The following TAX1BP3 variants were observed in gnomAD, a reference collection of about 807,000 sequenced individuals.
TAX1BP3 encodes the protein tax1-binding protein 3.
In TAX1BP3, 13 loss-of-function variants were observed where a neutral mutation model predicts 15.3. The ratio of observed to expected loss-of-function variants is 0.85; its 90% CI spans 0.55 to 1.35. The LOEUF is 1.35. TAX1BP3 is among the 40% of genes most tolerant of loss of function. TAX1BP3 has a pLI of 0.00. For missense variants in TAX1BP3, 147 were observed against 169.6 expected, an observed-to-expected ratio of 0.87 and a Z score of 0.74; for synonymous variants, 70 against 66.0, an observed-to-expected ratio of 1.06 and a Z score of -0.30.
At chr17:3,665,758 A>AG in intron 1 of TAX1BP3, 1 of 615,206 alleles carries the variant, frequency 1.6e-6, no homozygotes. Context: ...AAAAAAAAAA[A>AG]AAAAAAAGAA....
chr17:3,667,821 G>A (rs987901788), intron 1 of TAX1BP3, among the ~76,000 whole-genome samples: 1 of 152,238 alleles, frequency 6.6e-6, no homozygotes. Flanking sequence ...AAACAAGCCA[G>A]AGGGCGGCCA....
chr17:3,667,650 G>A (rs2142992286), intron 1 of TAX1BP3, among the ~76,000 whole-genome samples: 1 of 152,324 alleles, frequency 6.6e-6, no homozygotes, highest in East Asian at 1.9e-4. Flanking sequence ...GTAGGCAGGA[G>A]ACCTGAGTCT....
intron 2 of TAX1BP3, 126 bp from the exon 3 acceptor site, chr17:3,664,398 A>C: frequency 2.6e-6 from 3 of 1,162,114 alleles, no homozygotes; most frequent in South Asian, 1.3e-5. Context: ...CCCAGCACAT[A>C]TGGTCAGTGA....
intron 1 of TAX1BP3, chr17:3,665,586 G>C: frequency 7.3e-7 from 1 of 1,363,192 alleles, no homozygotes; most frequent in South Asian, 1.2e-5. Context: ...CAAAGAGAAA[G>C]GTACCTGGGT....
At position 3,663,686 on chromosome 17, in the gene TAX1BP3, G is replaced by A. The variant is rs926377097; in HGVS notation, c.*62C>T. On this transcript the variant is annotated 3_prime_UTR_variant, in exon 4 of 4. Transcript: ENST00000225525. ...TCAGCAGAAGCCAGATGGGGACAGA[G>A]TGTGGAAGTGGCGTTACTGTACAGA... is the stretch of plus-strand genomic sequence containing the variant. 1.2e-5 allele frequency: 19 copies of A among 1,554,878 alleles called. No homozygotes were observed. The highest frequency in any genetic ancestry group is 2.3e-5 in the East Asian group (1 of 43,922).
chr17:3,663,867 T>C lies in TAX1BP3; in HGVS notation c.256A>G (p.Thr86Ala), dbSNP rs1176507698. ...KIMQVNGWDMTMVTHDQARKR... is the reference protein window; with the variant it reads ...KIMQVNGWDMAMVTHDQARKR... ...CGGGCCTGGTCGTGTGTGACCATGGTCATGTCCCAGCCGTTCACCTGGCCC... is the reference window on the plus strand; with the variant it reads ...CGGGCCTGGTCGTGTGTGACCATGGCCATGTCCCAGCCGTTCACCTGGCCC... Residue 86 changes from threonine to alanine, a missense_variant, in exon 4 of 4, where the codon ACC (threonine) becomes GCC (alanine). Physicochemically the swap from Thr to Ala is moderately conservative, Grantham distance 58 (BLOSUM62 0). Coordinates refer to ENST00000225525, the MANE Select transcript of TAX1BP3 (RefSeq NM_014604.4). 6.2e-7 allele frequency: 1 copy of C among 1,608,794 alleles called. No individual in the cohort carries two copies. Among genetic ancestry groups the C allele is most frequent in the Admixed American group, 1.7e-5 (1 of 59,996 alleles).
chr17:3,668,492 A>C lies in TAX1BP3; in HGVS notation c.35T>G (p.Val12Gly). The change falls in exon 1 of 4, where the codon GTG becomes GGG. Residue 12 changes from valine (V) to glycine (G), a missense_variant. Val to Gly is a moderately radical substitution (Grantham distance 109). Transcript: ENST00000225525. This position sits in a 1 kb window ranked among gnomAD's most constrained non-coding sequence, Gnocchi z 4.1. ...SYIPGQPVTA[V>G]VQRVEIHKLR... ...AGCCCGCGCAAGCGCACTCACCACC[A>C]CGGCGGTGACCGGCTGGCCCGGGAT... is the stretch of plus-strand genomic sequence containing the variant. 6.2e-7 allele frequency: 1 copy of C among 1,609,784 alleles called. No homozygotes were observed. The highest frequency in any genetic ancestry group is 8.5e-7 in the Non-Finnish European group (1 of 1,178,726).
rs539007064 is a variant in TAX1BP3, at chr17:3,663,685, A to C, written c.*63T>G. The C allele has an allele frequency of 3.9e-6, 6 of 1,550,082 alleles. No homozygotes were observed. In the Admixed American group the frequency reaches 1.1e-4, roughly 27 times the overall value. On this transcript the variant is annotated 3_prime_UTR_variant, in exon 4 of 4. Transcript: ENST00000225525. ...GTCAGCAGAAGCCAGATGGGGACAGAGTGTGGAAGTGGCGTTACTGTACAG... is the reference window on the plus strand; with the variant it reads ...GTCAGCAGAAGCCAGATGGGGACAGCGTGTGGAAGTGGCGTTACTGTACAG...
chr17:3,665,620 C>T, intron 1 of TAX1BP3: 1 of 1,208,522 alleles, frequency 8.3e-7, no homozygotes, highest in Non-Finnish European at 1.2e-6. Flanking sequence ...CAGCCTGCTC[C>T]ACCCAGGGAA....
intron 1 of TAX1BP3, chr17:3,665,622 C>T: frequency 8.3e-7 from 1 of 1,199,142 alleles, no homozygotes; most frequent in Non-Finnish European, 1.2e-6. Context: ...GCCTGCTCCA[C>T]CCAGGGAAGC....
In TAX1BP3 at chr17:3,664,691, G is replaced by A; in HGVS notation, c.147C>T (p.Asp49=). Residue 49 remains aspartate (D), a synonymous_variant, in exon 2 of 4, where the codon GAC becomes GAT. Coordinates refer to ENST00000225525, the MANE Select transcript of TAX1BP3 (RefSeq NM_014604.4). ...CAGACCCCCTCACCTTGTCCGTCTT[G>A]TCTTCAGAGAAGGGATTCTGGGAAG... ...QDPSQNPFSE[D]KTDKGIYVTR... 1 of 1,613,840 alleles carries A rather than the reference G, an allele frequency of 6.2e-7. No individual in the cohort carries two copies. Among genetic ancestry groups the A allele is most frequent in the South Asian group, 1.1e-5 (1 of 91,072 alleles).
At position 3,663,844 on chromosome 17, in the gene TAX1BP3, G is replaced by T; in HGVS notation, c.279C>A (p.Ala93=). ...CCGAGCGCTTGGTGAGCCGCTTGCG[G>T]GCCTGGTCGTGTGTGACCATGGTCA... The part of the protein sequence containing the change: ...WDMTMVTHDQ[A]RKRLTKRSEE... Residue 93 remains alanine, a synonymous_variant, in exon 4 of 4, where the codon GCC becomes GCA. Transcript: ENST00000225525. The T allele has an allele frequency of 1.2e-6, 2 of 1,609,622 alleles. No individual in the cohort carries two copies. The highest frequency in any genetic ancestry group is 1.7e-6 in the Non-Finnish European group (2 of 1,179,954).
intron 2 of TAX1BP3, 72 bp from the exon 3 acceptor site, chr17:3,664,344 A>C: frequency 6.4e-7 from 1 of 1,562,532 alleles, no homozygotes; most frequent in Non-Finnish European, 8.8e-7. Flanking sequence ...GGAAGCCAGC[A>C]TGGCACATTC....
chr17:3,663,690 G>A lies in TAX1BP3; in HGVS notation c.*58C>T. ...CAGAAGCCAGATGGGGACAGAGTGTGGAAGTGGCGTTACTGTACAGAGAGG... is the reference window on the plus strand; with the variant it reads ...CAGAAGCCAGATGGGGACAGAGTGTAGAAGTGGCGTTACTGTACAGAGAGG... On this transcript the variant is annotated 3_prime_UTR_variant, in exon 4 of 4. Coordinates refer to ENST00000225525, the MANE Select transcript of TAX1BP3 (RefSeq NM_014604.4). The A allele has an allele frequency of 4.5e-6, 7 of 1,559,156 alleles. No individual in the cohort carries two copies. The highest frequency in any genetic ancestry group is 5.2e-6 in the Non-Finnish European group (6 of 1,153,554).
intron 1 of TAX1BP3, among the ~76,000 whole-genome samples, chr17:3,667,570 C>T (rs1445703228): frequency 6.6e-6 from 1 of 152,202 alleles, no homozygotes; most frequent in African/African-American, 2.4e-5. Flanking sequence ...GGCTCCAGGG[C>T]GGGGACTTTC....
In TAX1BP3 at chr17:3,663,558, A is replaced by C; in HGVS notation, c.*190T>G. ...TTCCAATCCTCGGTGTCCAGGAGAG[A>C]AAGCCGGTCCCAGAGGCCCCAGGCC... On this transcript the variant is annotated 3_prime_UTR_variant, in exon 4 of 4. Coordinates refer to ENST00000225525, the MANE Select transcript of TAX1BP3 (RefSeq NM_014604.4). The C allele has an allele frequency of 1.3e-6, 1 of 782,458 alleles. No homozygotes were observed. Among genetic ancestry groups the C allele is most frequent in the East Asian group, 2.9e-5 (1 of 34,254 alleles). 48.5% of individuals were successfully genotyped at this position (782,458 alleles called of 1,614,324 possible).
In TAX1BP3 at chr17:3,665,019, C is replaced by T. The variant is rs112346170; in HGVS notation, c.40-221G>A. ...GTGTCCTCAACCTGTCCCCACTTCCCCTGTTAGTCTTAGGCACTAGTCTTG... is the reference window on the plus strand; with the variant it reads ...GTGTCCTCAACCTGTCCCCACTTCCTCTGTTAGTCTTAGGCACTAGTCTTG... On this transcript the variant is annotated intron_variant, in intron 1 of 3. Transcript: ENST00000225525. Among the ~76,000 whole-genome samples the T allele has an allele frequency of 3.9e-5, 6 of 152,280 alleles. 1 individual carries two copies. The highest frequency in any genetic ancestry group is 1.4e-4 in the African/African-American group (6 of 41,566).
At position 3,664,773 on chromosome 17, in the gene TAX1BP3, C is replaced by T. The variant is rs117575113; in HGVS notation, c.65G>A (p.Arg22His). The T allele has an allele frequency of 5.6e-5, 91 of 1,613,714 alleles. No individual in the cohort carries two copies. The highest frequency in any genetic ancestry group is 8.9e-5 in the East Asian group (4 of 44,888). Reference protein sequence around the residue: ...VVQRVEIHKLRQGENLILGFS... With the variant: ...VVQRVEIHKLHQGENLILGFS... ...ACCCAGGATTAAGTTCTCACCTTGACGCAGCTTGTGAATTTCAACTCTTTG... is the reference window on the plus strand; with the variant it reads ...ACCCAGGATTAAGTTCTCACCTTGATGCAGCTTGTGAATTTCAACTCTTTG... Residue 22 changes from arginine (R) to histidine (H), a missense_variant, in exon 2 of 4, where the codon CGT becomes CAT. Arg to His is a conservative substitution (Grantham distance 29). Transcript: ENST00000225525.
chr17:3,666,857 A>T (rs574761414), intron 1 of TAX1BP3, among the ~76,000 whole-genome samples: 1 of 152,104 alleles, frequency 6.6e-6, no homozygotes, highest in South Asian at 2.1e-4. Flanking sequence ...CCCCAAACTG[A>T]GCTCCTCCAG....
Sources: allele counts gnomAD v4.1 joint callset (sites outside exome capture counted in the v4.1 genomes callset), GRCh38; gene constraint gnomAD v4.1.1; non-coding constraint Gnocchi (gnomAD v3.1); transcripts MANE v1.5; gene names NCBI Gene and HGNC (gene_info 2026-07-23, HGNC 2026-07-21).